IL10RA: variants seen among roughly 807,000 people sequenced by gnomAD.
The protein encoded by IL10RA is interleukin-10 receptor subunit alpha.
A neutral mutation model predicts 29.6 loss-of-function variants in IL10RA; 18 were observed. The observed-to-expected ratio is 0.61, with a 90% CI of 0.42 to 0.90. The LOEUF (loss-of-function observed/expected upper bound fraction) is 0.90. Among genes scored for constraint, IL10RA ranks in the 40% least tolerant of loss-of-function variants. IL10RA has a pLI of 0.00. For missense variants in IL10RA, 634 were observed against 716.6 expected, an observed-to-expected ratio of 0.88 and a Z score of 1.32; for synonymous variants, 292 against 294.1, an observed-to-expected ratio of 0.99 and a Z score of 0.07.
rs551733626 is a variant in IL10RA at position 117,991,141 on chromosome 11, T to C, written c.367+1521T>C. On this transcript the variant is annotated intron_variant, in intron 3 of 6. Coordinates refer to ENST00000227752, the MANE Select transcript of IL10RA (RefSeq NM_001558.4). The stretch of plus-strand genomic sequence containing the variant: ...TGAACTCAGGAGGCAGAGGTTGCAG[T>C]GAGCCAAGATCAAGCCATTGCACTC... 2.6e-5 allele frequency among the ~76,000 whole-genome samples: 4 copies of C among 152,166 alleles called. No homozygotes were observed. The East Asian group carries it at 7.7e-4, about 29-fold the overall frequency.
chr11:117,997,567 A>G (rs2058064196), intron 6 of IL10RA, among the ~76,000 whole-genome samples: 1 of 152,230 alleles, frequency 6.6e-6, no homozygotes, highest in African/African-American at 2.4e-5. Context: ...AAATGAGGGC[A>G]GATGTGCAAC....
At chr11:117,990,209 T>C (rs1383921490) in intron 3 of IL10RA, among the ~76,000 whole-genome samples, 5 of 152,194 alleles carry the variant, frequency 3.3e-5, no homozygotes, top group Admixed American at 6.5e-5. Context: ...TAGGAGGTCA[T>C]TGGCTTCCAA....
At chr11:117,988,259 AC>A in intron 1 of IL10RA, 122 bp from the exon 2 acceptor site, 4 of 1,220,494 alleles carry the variant, frequency 3.3e-6, no homozygotes, top group Non-Finnish European at 4.8e-6. Flanking sequence ...TCTGCCCCTT[AC>A]GGGCTCCGCT....
chr11:117,998,645 TC>T (rs1400132018), intron 6 of IL10RA, 69 bp from the exon 7 acceptor site: 1 of 1,400,192 alleles, frequency 7.1e-7, no homozygotes, highest in Non-Finnish European at 1.0e-6. Context: ...GGCCTGGCCT[TC>T]CCCGGCAGCA....
At chr11:117,986,599 C>T in intron 1 of IL10RA, 65 bp downstream of exon 1, 1 of 1,546,650 alleles carries the variant, frequency 6.5e-7, no homozygotes, top group Non-Finnish European at 8.7e-7. Context: ...TTAAAGTTCT[C>T]CATCCAGTGG....
intron 2 of IL10RA, 49 bp downstream of exon 2, chr11:117,988,551 T>C (rs2058002965): frequency 6.2e-7 from 1 of 1,606,046 alleles, no homozygotes; most frequent in Non-Finnish European, 8.5e-7. Context: ...ATCCCCGCCT[T>C]GTCCTCTACT....
rs779757879 is a variant in IL10RA, at chr11:117,994,089, G to T, written c.628G>T (p.Ala210Ser). The change falls in exon 5 of 7, where the codon GCT becomes TCT. Residue 210 changes from alanine to serine, a missense_variant. Ala to Ser is a moderately conservative substitution (Grantham distance 99, BLOSUM62 1). Transcript: ENST00000227752. ...EFCVQVKPSV[A>S]SRSNKGMWSK... ...CTGTGTCCAGGTGAAACCATCTGTC[G>T]CTTCCCGAAGTAACAAGGGGATGTG... is the stretch of plus-strand genomic sequence containing the variant. 7 of 1,614,090 alleles carry T rather than the reference G, an allele frequency of 4.3e-6. No individual in the cohort carries two copies. The East Asian group carries it at 1.3e-4, about 31-fold the overall frequency.
Position 117,993,387 on chromosome 11 carries a change from C to T in IL10RA, c.514C>T (p.Arg172Cys), listed in dbSNP as rs773555674. 81 of 1,614,216 alleles carry T rather than the reference C, an allele frequency of 5.0e-5. No individual in the cohort carries two copies. The highest frequency in any genetic ancestry group is 4.4e-4 in the South Asian group (40 of 91,084). ...CTTCCGAGAGTATGAGATTGCCATT[C>T]GCAAGGTGCCGGGAAACTTCACGGT... Reference protein sequence around the residue: ...SHFREYEIAIRKVPGNFTFTH... With the variant: ...SHFREYEIAICKVPGNFTFTH... The change falls in exon 4 of 7, where the codon CGC becomes TGC. Residue 172 changes from arginine to cysteine, a missense_variant. Transcript: ENST00000227752.
intron 1 of IL10RA, chr11:117,986,915 C>A: frequency 9.2e-7 from 1 of 1,087,466 alleles, no homozygotes; most frequent in Non-Finnish European, 1.3e-6. Flanking sequence ...TTCTCTTAGT[C>A]GACTCTTCAA....
At chr11:117,986,622 G>C (rs528183119) in intron 1 of IL10RA, 88 bp downstream of exon 1, 1 of 1,543,312 alleles carries the variant, frequency 6.5e-7, no homozygotes, top group South Asian at 1.2e-5. Flanking sequence ...AGCCCTGGCT[G>C]GCTGGCCCTC....
chr11:118,000,470 GT>G lies in IL10RA; in HGVS notation c.*835del, dbSNP rs1329415250. On this transcript the variant is annotated 3_prime_UTR_variant, in exon 7 of 7. Coordinates refer to ENST00000227752, the MANE Select transcript of IL10RA (RefSeq NM_001558.4). ...GCTGACAACTTCCAGAGAAGCCATGGTTTTTTGTATTGGTCATAACTCAGCC... is the reference window on the plus strand; with the variant it reads ...GCTGACAACTTCCAGAGAAGCCATGGTTTTTGTATTGGTCATAACTCAGCC... 18 of 454,164 alleles carry G rather than the reference GT, an allele frequency of 4.0e-5. No individual in the cohort carries two copies. Among genetic ancestry groups the G allele is most frequent in the South Asian group, 2.0e-4 (13 of 64,484 alleles). The allele number at this position is 454,164 out of a possible 1,614,324, so 28.1% of individuals were successfully genotyped here.
Position 117,993,263 on chromosome 11 carries a change from G to A in IL10RA, c.390G>A (p.Val130=). The A allele has an allele frequency of 6.2e-7, 1 of 1,614,102 alleles. No homozygotes were observed. The highest frequency in any genetic ancestry group is 8.5e-7 in the Non-Finnish European group (1 of 1,180,026). The part of the protein sequence containing the change: ...VDEVTLTVGS[V]NLEIHNGFIL... ...TAGTGACTCTGACAGTTGGCAGTGT[G>A]AACCTAGAGATCCACAATGGCTTCA... Residue 130 remains valine, a synonymous_variant, in exon 4 of 7, where the codon GTG becomes GTA. Transcript: ENST00000227752.
chr11:117,993,112 C>T, intron 3 of IL10RA, 129 bp from the exon 4 acceptor site: 2 of 805,374 alleles, frequency 2.5e-6, no homozygotes, highest in Non-Finnish European at 4.3e-6. Flanking sequence ...CATTGACAAA[C>T]CTGTGGCCAA....
chr11:118,000,601 G>A lies in IL10RA; in HGVS notation c.*960G>A, dbSNP rs2058089685. The A allele has an allele frequency of 2.2e-6, 1 of 454,180 alleles. No homozygotes were observed. Among genetic ancestry groups the A allele is most frequent in the African/African-American group, 2.0e-5 (1 of 50,022 alleles). The allele number at this position is 454,180 out of a possible 1,614,324, so 28.1% of individuals were successfully genotyped here. Reference sequence around the variant, plus strand: ...CTGCTAATGTCCAGCTACAGACCCAGAGGATAAGCCACTGGGCACTGGGCT... The same window carrying A: ...CTGCTAATGTCCAGCTACAGACCCAAAGGATAAGCCACTGGGCACTGGGCT... On this transcript the variant is annotated 3_prime_UTR_variant, in exon 7 of 7. Coordinates refer to ENST00000227752, the MANE Select transcript of IL10RA (RefSeq NM_001558.4).
Position 117,998,997 on chromosome 11 carries a change from A to C in IL10RA, c.1093A>C (p.Ser365Arg). 6.2e-7 allele frequency: 1 copy of C among 1,613,486 alleles called. No homozygotes were observed. Among genetic ancestry groups the C allele is most frequent in the Non-Finnish European group, 8.5e-7 (1 of 1,179,574 alleles). ...VLGDSCSSGS[S>R]NSTDSGICLQ... ...GGGGGACAGCTGCAGTAGTGGCAGC[A>C]GCAATAGCACAGACAGCGGGATCTG... Residue 365 changes from serine (S) to arginine (R), a missense_variant, in exon 7 of 7, where the codon AGC becomes CGC. Transcript: ENST00000227752.
Position 117,999,859 on chromosome 11 carries a change from T to C in IL10RA, c.*218T>C. On this transcript the variant is annotated 3_prime_UTR_variant, in exon 7 of 7. Coordinates refer to ENST00000227752, the MANE Select transcript of IL10RA (RefSeq NM_001558.4). ...CTAGTGCAGGGTATGTGGGTGGCACTGACCTGTTCTGTTGACTGGGGCCCT... is the reference window on the plus strand; with the variant it reads ...CTAGTGCAGGGTATGTGGGTGGCACCGACCTGTTCTGTTGACTGGGGCCCT... 8 of 688,280 alleles carry C rather than the reference T, an allele frequency of 1.2e-5. No individual in the cohort carries two copies. Among genetic ancestry groups the C allele is most frequent in the Non-Finnish European group, 2.1e-5 (8 of 377,450 alleles). 42.6% of individuals were successfully genotyped at this position (688,280 alleles called of 1,614,324 possible). A position where few individuals can be genotyped will look rare whatever the true frequency, so the allele number is the denominator to read the frequency against.
chr11:118,000,346 G>A lies in IL10RA; in HGVS notation c.*705G>A, dbSNP rs2058087620. On this transcript the variant is annotated 3_prime_UTR_variant, in exon 7 of 7. Coordinates refer to ENST00000227752, the MANE Select transcript of IL10RA (RefSeq NM_001558.4). ...TGGTGGGTACCTCTGGCACCCATCT[G>A]CAAATATCTCCCTCTCTCCAACAAA... is the stretch of plus-strand genomic sequence containing the variant. 2.2e-6 allele frequency: 1 copy of A among 454,212 alleles called. No individual in the cohort carries two copies. The allele number at this position is 454,212 out of a possible 1,614,324, so 28.1% of individuals were successfully genotyped here.
chr11:117,988,018 A>C lies in IL10RA; in HGVS notation c.68-364A>C, dbSNP rs568711742. 2.0e-5 allele frequency: 7 copies of C among 354,174 alleles called. No homozygotes were observed. In the East Asian group the frequency reaches 4.9e-4, roughly 25 times the overall value. 21.9% of individuals were successfully genotyped at this position (354,174 alleles called of 1,614,324 possible). A position where few individuals can be genotyped will look rare whatever the true frequency, so the allele number is the denominator to read the frequency against. ...GTGTGTGGATGGGGCCAAGCCTAGG[A>C]ATAGTGCTAGAGCAGGGACAGGGAT... On this transcript the variant is annotated intron_variant, in intron 1 of 6. Transcript: ENST00000227752.
intron 3 of IL10RA, chr11:117,993,013 C>T: frequency 3.6e-6 from 2 of 554,092 alleles, no homozygotes; most frequent in East Asian, 3.1e-5. Flanking sequence ...TATTTCTGGG[C>T]TGTCCATCAT....
Sources: gnomAD v4.1 joint callset for allele counts (sites outside exome capture counted in the v4.1 genomes callset) on GRCh38, gnomAD v4.1.1 for gene constraint, MANE v1.5 for transcripts, NCBI Gene and HGNC (gene_info 2026-07-23, HGNC 2026-07-21) for gene names.